DPP6: variants seen among roughly 807,000 people sequenced by gnomAD.
The protein encoded by DPP6 is dipeptidyl peptidase like 6, also known as A-type potassium channel modulatory protein DPP6.
In DPP6, 69 loss-of-function variants were observed where a neutral mutation model predicts 122.6. That is an observed-to-expected ratio of 0.56 (90% CI 0.46 to 0.69). The LOEUF (loss-of-function observed/expected upper bound fraction) is 0.69, where lower values mean the gene tolerates loss of function less well. Ranked by LOEUF, DPP6 falls within the 30% of genes least tolerant of loss-of-function variation. The pLI is 0.00. For synonymous variants in DPP6, 418 were observed against 433.1 expected, an observed-to-expected ratio of 0.97 and a Z score of 0.43; for missense variants, 928 against 1,116.9, an observed-to-expected ratio of 0.83 and a Z score of 2.41.
At chr7:154,255,001 G>T (rs551521732) in intron 1 of DPP6, among the ~76,000 whole-genome samples, 15 of 152,062 alleles carry the variant, frequency 9.9e-5, no homozygotes, top group Non-Finnish European at 2.2e-4. Flanking sequence ...AAACTAAAGA[G>T]AATTGCAAAA....
In DPP6 at chr7:154,598,442, G is replaced by A. The variant is rs761743548; in HGVS notation, c.627+31526G>A. ...TTTGGCCATTGTGTAGATCCCAAATGTGGTGAAATGGGAGCTCCCAGATCA... is the reference window on the plus strand; with the variant it reads ...TTTGGCCATTGTGTAGATCCCAAATATGGTGAAATGGGAGCTCCCAGATCA... On this transcript the variant is annotated intron_variant, in intron 5 of 25. Transcript: ENST00000377770. Among the ~76,000 whole-genome samples, 6 of 150,722 alleles carry A rather than the reference G, an allele frequency of 4.0e-5. 1 individual carries two copies. Among genetic ancestry groups the A allele is most frequent in the African/African-American group, 7.4e-5 (3 of 40,790 alleles).
intron 5 of DPP6, among the ~76,000 whole-genome samples, chr7:154,628,438 G>A (rs1017885744): frequency 9.9e-5 from 15 of 152,134 alleles, no homozygotes; most frequent in Non-Finnish European, 8.8e-5. Flanking sequence ...AGGTAGCTTT[G>A]TTTCCAGACT....
chr7:154,628,146 A>C (rs1563032367), intron 5 of DPP6, among the ~76,000 whole-genome samples: 1 of 152,158 alleles, frequency 6.6e-6, no homozygotes, highest in Non-Finnish European at 1.5e-5. Context: ...TGCATTCTGA[A>C]TGCACCAACA....
chr7:154,064,306 G>C (rs1402221168), intron 1 of DPP6, among the ~76,000 whole-genome samples: 1 of 152,174 alleles, frequency 6.6e-6, no homozygotes, highest in African/African-American at 2.4e-5. Flanking sequence ...ACTCTTCTGT[G>C]AGTCTCCAGC....
At chr7:154,795,955 C>T (rs773004282) in intron 12 of DPP6, 72 bp downstream of exon 12, 113 of 1,548,086 alleles carry the variant, frequency 7.3e-5, no homozygotes, top group Non-Finnish European at 8.6e-5. Flanking sequence ...CTCAGAGCTT[C>T]GACAACAGCA....
At chr7:154,088,700 A>G (rs1304369549) in intron 1 of DPP6, among the ~76,000 whole-genome samples, 1 of 150,506 alleles carries the variant, frequency 6.6e-6, no homozygotes, top group Non-Finnish European at 1.5e-5. Context: ...GAGTCTGTAG[A>G]ATAGAGGCAC....
intron 5 of DPP6, among the ~76,000 whole-genome samples, chr7:154,610,955 T>C (rs1833878706): frequency 6.6e-6 from 1 of 152,228 alleles, no homozygotes; most frequent in African/African-American, 2.4e-5. Context: ...CTGAATCATC[T>C]TTCCTCACTC....
intron 1 of DPP6, among the ~76,000 whole-genome samples, chr7:154,402,606 G>C (rs1337149487): frequency 1.4e-5 from 2 of 141,688 alleles, no homozygotes; most frequent in African/African-American, 5.3e-5. Context: ...TGTGGGTTGG[G>C]GGGAGGGGGG....
chr7:154,795,718 T>C, intron 11 of DPP6, 127 bp from the exon 12 acceptor site: 1 of 1,354,154 alleles, frequency 7.4e-7, no homozygotes, highest in Middle Eastern at 1.8e-4. Flanking sequence ...GTGCAATGCT[T>C]GTGCAGCGGC....
At chr7:154,073,414 C>T (rs1803269607) in intron 1 of DPP6, among the ~76,000 whole-genome samples, 1 of 152,266 alleles carries the variant, frequency 6.6e-6, no homozygotes, top group African/African-American at 2.4e-5. Context: ...TCCTTTGCTC[C>T]TCTCCGTGGC....
At chr7:154,394,492 C>CATATAT (rs35837414) in intron 1 of DPP6, among the ~76,000 whole-genome samples, 14 of 150,708 alleles carry the variant, frequency 9.3e-5, no homozygotes, top group African/African-American at 3.4e-4. Context: ...TTCCTTATTA[C>CATATAT]ATATATATAT....
chr7:154,813,463 A>G (rs575395729), intron 16 of DPP6, among the ~76,000 whole-genome samples: 1 of 152,224 alleles, frequency 6.6e-6, no homozygotes, highest in South Asian at 2.1e-4. Flanking sequence ...ATATATTCGA[A>G]TACAATATAT....
intron 5 of DPP6, among the ~76,000 whole-genome samples, chr7:154,581,550 C>T (rs1045729798): frequency 6.6e-6 from 1 of 152,130 alleles, no homozygotes; most frequent in Non-Finnish European, 1.5e-5. Context: ...GCTGGGGTGC[C>T]CTGTGATTCT....
At chr7:154,711,363 C>A (rs955023922) in intron 7 of DPP6, among the ~76,000 whole-genome samples, 1 of 152,096 alleles carries the variant, frequency 6.6e-6, no homozygotes, top group Admixed American at 6.6e-5. Flanking sequence ...CAGAGCAAGA[C>A]CCCCATCTTA....
chr7:154,614,248 G>C lies in DPP6; in HGVS notation c.628-23573G>C, dbSNP rs867585056. Among the ~76,000 whole-genome samples, 14 of 152,250 alleles carry C rather than the reference G, an allele frequency of 9.2e-5. 1 individual carries two copies. The Middle Eastern group carries it at 0.017, about 185-fold the overall frequency. On this transcript the variant is annotated intron_variant, in intron 5 of 25. Transcript: ENST00000377770. Reference sequence around the variant, plus strand: ...TAGCTTGCGTTAGCTTCTTTTAACTGGTTGTTCTGTTGGTTTTAATTTTCC... The same window carrying C: ...TAGCTTGCGTTAGCTTCTTTTAACTCGTTGTTCTGTTGGTTTTAATTTTCC...
chr7:154,078,946 CAA>C (rs67950621), intron 1 of DPP6, among the ~76,000 whole-genome samples: 10,978 of 112,326 alleles, frequency 0.098, 374 homozygotes, highest in Middle Eastern at 0.13. Context: ...CATTCTTTTC[CAA>C]AAAAAAAAAA....
chr7:154,103,898 G>A (rs62487170), intron 1 of DPP6, among the ~76,000 whole-genome samples: 11,015 of 152,228 alleles, frequency 0.072, 418 homozygotes, highest in Middle Eastern at 0.16. Flanking sequence ...ACAGTCTGAA[G>A]GCTGCATTGT....
chr7:154,755,829 G>C lies in DPP6; in HGVS notation c.884-13588G>C, dbSNP rs965420941. On this transcript the variant is annotated intron_variant, in intron 8 of 25. Coordinates refer to ENST00000377770, the MANE Select transcript of DPP6 (RefSeq NM_130797.4). The surrounding 1 kb of genome is among the most constrained non-coding windows in gnomAD (Gnocchi z 4.7). The stretch of plus-strand genomic sequence containing the variant: ...GTCGGAGTGGGGCGCGTCCCAGGTC[G>C]GGAATGTTAGGACAAGGTGGCCTCT... 6.6e-6 allele frequency among the ~76,000 whole-genome samples: 1 copy of C among 152,144 alleles called. No individual in the cohort carries two copies. Among genetic ancestry groups the C allele is most frequent in the Admixed American group, 6.5e-5 (1 of 15,276 alleles).
At chr7:154,613,980 A>C (rs563895073) in intron 5 of DPP6, among the ~76,000 whole-genome samples, 2 of 152,186 alleles carry the variant, frequency 1.3e-5, no homozygotes, top group Non-Finnish European at 2.9e-5. Context: ...TGCTTTCCGC[A>C]TTCCGCATAC....
Sources: allele counts gnomAD v4.1 joint callset (sites outside exome capture counted in the v4.1 genomes callset), GRCh38; gene constraint gnomAD v4.1.1; non-coding constraint Gnocchi (gnomAD v3.1); transcripts MANE v1.5; gene names NCBI Gene and HGNC (gene_info 2026-07-23, HGNC 2026-07-21).